SLC2A9: variants seen among roughly 807,000 people sequenced by gnomAD.
The protein encoded by SLC2A9 is solute carrier family 2, facilitated glucose transporter member 9.
SLC2A9 carries 39 observed loss-of-function variants against 50.6 expected under a neutral mutation model. The observed-to-expected ratio is 0.77, with a 90% confidence interval of 0.60 to 1.01. SLC2A9 has a LOEUF of 1.01. Ranked by LOEUF, SLC2A9 falls within the 50% of genes least tolerant of loss-of-function variation. The pLI, the probability that SLC2A9 is intolerant of heterozygous loss-of-function variation, is 0.00. For synonymous variants in SLC2A9, 324 were observed against 276.9 expected, an observed-to-expected ratio of 1.17 and a Z score of -1.69; for missense variants, 686 against 677.6, an observed-to-expected ratio of 1.01 and a Z score of -0.14.
intron 10 of SLC2A9, among the ~76,000 whole-genome samples, chr4:9,844,211 C>G (rs980231287): frequency 9.5e-6 from 1 of 105,318 alleles, no homozygotes; most frequent in Admixed American, 1.0e-4. Flanking sequence ...TACAGAATAA[C>G]AAGAGGTGAT....
Position 9,880,621 on chromosome 4 carries a change from C to T in SLC2A9, c.1291+6946G>A, listed in dbSNP as rs908126107. On this transcript the variant is annotated intron_variant, in intron 10 of 11. Coordinates refer to ENST00000264784, the MANE Select transcript of SLC2A9 (RefSeq NM_020041.3). The stretch of plus-strand genomic sequence containing the variant: ...CTTCAGGCAGATATGCAGATGAGTC[C>T]AATCTGGCTTGTTTGTGTGCATGGG... 78 of 953,722 alleles carry T rather than the reference C, an allele frequency of 8.2e-5. No homozygotes were observed. The African/African-American group carries it at 1.3e-3, about 16-fold the overall frequency. 59.1% of individuals were successfully genotyped at this position (953,722 alleles called of 1,614,324 possible).
At chr4:9,839,746 T>A (rs1388489142) in intron 10 of SLC2A9, among the ~76,000 whole-genome samples, 1 of 152,126 alleles carries the variant, frequency 6.6e-6, no homozygotes, top group Non-Finnish European at 1.5e-5. Flanking sequence ...AAATATTACA[T>A]TTTCTCACTT....
chr4:9,981,539 A>C (rs1170503087), intron 4 of SLC2A9, among the ~76,000 whole-genome samples: 1 of 152,216 alleles, frequency 6.6e-6, no homozygotes, highest in African/African-American at 2.4e-5. Flanking sequence ...AAGTTGAGTA[A>C]CTTGCCTAAA....
intron 6 of SLC2A9, among the ~76,000 whole-genome samples, chr4:9,933,553 G>A (rs77071180): frequency 0.014 from 2,140 of 152,246 alleles, 57 homozygotes; most frequent in African/African-American, 0.048. Flanking sequence ...ACATTTCCTC[G>A]CTGAGTCTTA....
At chr4:9,922,250 T>C (rs536472603) in intron 6 of SLC2A9, among the ~76,000 whole-genome samples, 12 of 151,272 alleles carry the variant, frequency 7.9e-5, no homozygotes, top group South Asian at 2.1e-4. Context: ...TTCTCACTTA[T>C]AAGTGGCAGC....
At chr4:9,906,293 G>T (rs1198973323) in intron 8 of SLC2A9, among the ~76,000 whole-genome samples, 5 of 152,180 alleles carry the variant, frequency 3.3e-5, no homozygotes, top group Non-Finnish European at 5.9e-5. Context: ...CAGGTTCCGA[G>T]CAGAGACATT....
intron 1 of SLC2A9, among the ~76,000 whole-genome samples, chr4:10,038,301 A>G (rs1764171258): frequency 6.6e-6 from 1 of 152,006 alleles, no homozygotes; most frequent in African/African-American, 2.4e-5. Context: ...GAGGTCAAGG[A>G]GTTCAAGACC....
chr4:10,002,012 A>G (rs143854317), intron 2 of SLC2A9, among the ~76,000 whole-genome samples: 1 of 152,354 alleles, frequency 6.6e-6, no homozygotes, highest in East Asian at 1.9e-4. Flanking sequence ...TACTGGGGCT[A>G]AGACATGGGG....
intron 10 of SLC2A9, among the ~76,000 whole-genome samples, chr4:9,865,004 C>T (rs1732224780): frequency 6.6e-6 from 1 of 152,234 alleles, no homozygotes. Flanking sequence ...CACTTGAGTA[C>T]CCCACTTTTT....
intron 3 of SLC2A9, among the ~76,000 whole-genome samples, chr4:9,799,674 G>A (rs1454125888): frequency 7.1e-6 from 1 of 140,274 alleles, no homozygotes; most frequent in Non-Finnish European, 1.5e-5. Context: ...GCAGCTTTCT[G>A]AGCTCCATTC....
At chr4:9,783,043 G>A (rs773496060) in intron 3 of SLC2A9, 3 of 1,614,074 alleles carry the variant, frequency 1.9e-6, no homozygotes, top group Admixed American at 3.3e-5. Context: ...GCGTCAGTGA[G>A]ACCACCTTCG....
chr4:10,032,812 T>C (rs1763977593), intron 1 of SLC2A9, among the ~76,000 whole-genome samples: 1 of 152,164 alleles, frequency 6.6e-6, no homozygotes, highest in Non-Finnish European at 1.5e-5. Context: ...AAGTATCTTG[T>C]GGGAAGGTAG....
Position 9,980,721 on chromosome 4 carries a change from C to T in SLC2A9, c.552G>A (p.Val184=), listed in dbSNP as rs1034517944. The T allele has an allele frequency of 1.9e-6, 3 of 1,614,024 alleles. No individual in the cohort carries two copies. Among genetic ancestry groups the T allele is most frequent in the Non-Finnish European group, 2.5e-6 (3 of 1,180,006 alleles). The stretch of plus-strand genomic sequence containing the variant: ...AGATCTCACTAAGGTACATGGGGAG[C>T]ACACTGAGGGCGACGCCTGTAGAGA... ...MGIDGGVALS[V]LPMYLSEISP... Residue 184 remains valine (V), a synonymous_variant, in exon 5 of 12, where the codon GTG becomes GTA. Coordinates refer to ENST00000264784, the MANE Select transcript of SLC2A9 (RefSeq NM_020041.3).
intron 10 of SLC2A9, among the ~76,000 whole-genome samples, chr4:9,848,954 G>A (rs905966183): frequency 3.3e-5 from 5 of 152,100 alleles, no homozygotes; most frequent in African/African-American, 9.7e-5. Context: ...CGCCTGCCTC[G>A]GCCTCCCGAA....
intron 4 of SLC2A9, among the ~76,000 whole-genome samples, chr4:9,981,269 AGTG>A (rs1166166054): frequency 3.7e-3 from 6 of 1,634 alleles, no homozygotes; most frequent in African/African-American, 0.013. Flanking sequence ...TGATGGTGAT[AGTG>A]GTGGTGGTAG....
intron 8 of SLC2A9, among the ~76,000 whole-genome samples, chr4:9,894,032 C>T (rs1279431004): frequency 6.6e-6 from 1 of 152,160 alleles, no homozygotes; most frequent in Non-Finnish European, 1.5e-5. Flanking sequence ...TGCTGTTTTA[C>T]ACCAAGGGGC....
At chr4:10,004,505 G>T (rs115668471) in intron 2 of SLC2A9, among the ~76,000 whole-genome samples, 1 of 152,256 alleles carries the variant, frequency 6.6e-6, no homozygotes, top group African/African-American at 2.4e-5. Context: ...AGCCACAGAG[G>T]ATCTAGCAGA....
In SLC2A9 at chr4:9,955,342, A is replaced by G. The variant is rs1189832672; in HGVS notation, c.682-13297T>C. Among the ~76,000 whole-genome samples, 2 of 104,140 alleles carry G rather than the reference A, an allele frequency of 1.9e-5. 1 individual carries two copies. Among genetic ancestry groups the G allele is most frequent in the African/African-American group, 1.0e-4 (2 of 19,584 alleles). 68.3% of individuals were successfully genotyped at this position (104,140 alleles called of 152,430 possible). A position where few individuals can be genotyped will look rare whatever the true frequency, so the allele number is the denominator to read the frequency against. ...CCCGTCTCTACTAAAAATACAAAAAAAAATTAGCCGGGCGTGATGGCGGGC... is the reference window on the plus strand; with the variant it reads ...CCCGTCTCTACTAAAAATACAAAAAGAAATTAGCCGGGCGTGATGGCGGGC... On this transcript the variant is annotated intron_variant, in intron 5 of 11. Coordinates refer to ENST00000264784, the MANE Select transcript of SLC2A9 (RefSeq NM_020041.3).
chr4:9,926,482 A>G lies in SLC2A9; in HGVS notation c.815-5910T>C, dbSNP rs540669065. 1.3e-3 allele frequency among the ~76,000 whole-genome samples: 202 copies of G among 151,404 alleles called. No individual in the cohort carries two copies. In the South Asian group the frequency reaches 0.025, roughly 19 times the overall value. ...TAAACATAATAGCATTGGTGGTGTA[A>G]CCAGTGTTCGATGTTGGCACACACA... On this transcript the variant is annotated intron_variant, in intron 6 of 11. Transcript: ENST00000264784.
Sources: allele counts gnomAD v4.1 joint callset (sites outside exome capture counted in the v4.1 genomes callset), GRCh38; gene constraint gnomAD v4.1.1; transcripts MANE v1.5; gene names NCBI Gene and HGNC (gene_info 2026-07-23, HGNC 2026-07-21).